The following HERC2 variants were observed in gnomAD, a reference collection of about 807,000 sequenced individuals.
HERC2 encodes E3 ubiquitin-protein ligase HERC2.
Under a neutral mutation model 537.7 loss-of-function variants are expected in HERC2, and 102 were observed. The observed-to-expected ratio is 0.19, with a 90% CI of 0.16 to 0.22. The LOEUF is 0.22. Ranked by LOEUF, HERC2 falls within the 10% of genes least tolerant of loss-of-function variation. HERC2 has a pLI of 1.00. For missense variants in HERC2, 4,236 were observed against 6,198.2 expected, an observed-to-expected ratio of 0.68 and a Z score of 10.63; for synonymous variants, 2,224 against 2,466.2, an observed-to-expected ratio of 0.90 and a Z score of 2.91.
rs1555405210 is a variant in HERC2, at chr15:28,139,913, A to AAG, written c.12015+1518_12015+1519insCT. Among the ~76,000 whole-genome samples, 212 of 148,636 alleles carry AAG rather than the reference A, an allele frequency of 1.4e-3. 2 individuals carry two copies. The highest frequency in any genetic ancestry group is 3.5e-3 in the Middle Eastern group (1 of 284). The stretch of plus-strand genomic sequence containing the variant: ...ATCTCTACTAAAAAAAAAAAAAAAA[A>AAG]AAAGATTAGCCAGGCGTGGTGGCGG... On this transcript the variant is annotated intron_variant, in intron 78 of 92. Transcript: ENST00000261609.
intron 16 of HERC2, among the ~76,000 whole-genome samples, chr15:28,257,521 G>A (rs986980485): frequency 1.3e-5 from 2 of 152,078 alleles, no homozygotes; most frequent in Non-Finnish European, 2.9e-5. Context: ...CTCTCAAAAC[G>A]ATTAATGACA....
chr15:28,116,631 C>CAGCG (rs1888285595), intron 88 of HERC2, 34 bp downstream of exon 88: 1 of 1,575,058 alleles, frequency 6.3e-7, no homozygotes, highest in African/African-American at 1.3e-5. Context: ...GCACAGGCCA[C>CAGCG]AGCGACACAG....
chr15:28,178,924 G>A lies in HERC2; in HGVS notation c.9126C>T (p.Leu3042=), dbSNP rs752403993. 3 of 1,614,142 alleles carry A rather than the reference G, an allele frequency of 1.9e-6. No homozygotes were observed. Among genetic ancestry groups the A allele is most frequent in the East Asian group, 2.2e-5 (1 of 44,880 alleles). ...CCACCTTCTTGACCACGTAGCTGCT[G>A]AGAGCTGTGATCTGCCGTGGGATGG... ...TVPIPRQITA[L]SSYVVKKVAV... The change falls in exon 59 of 93, where the codon CTC becomes CTT. Residue 3042 remains leucine, a synonymous_variant. Transcript: ENST00000261609.
rs1037013494 is a variant in HERC2 at position 28,122,292 on chromosome 15, T to C, written c.13189-863A>G. ...AGGATGCGGCACGCAGCCGTGCCAATGGAAAGGGATGAGACAGGTCAGCAG... is the reference window on the plus strand; with the variant it reads ...AGGATGCGGCACGCAGCCGTGCCAACGGAAAGGGATGAGACAGGTCAGCAG... On this transcript the variant is annotated intron_variant, in intron 85 of 92. Transcript: ENST00000261609. This position sits in a 1 kb window ranked among gnomAD's most constrained non-coding sequence, Gnocchi z 4.1. 3.3e-5 allele frequency among the ~76,000 whole-genome samples: 5 copies of C among 152,154 alleles called. No individual in the cohort carries two copies. The highest frequency in any genetic ancestry group is 5.9e-5 in the Non-Finnish European group (4 of 68,010).
Position 28,167,752 on chromosome 15 carries a change from T to C in HERC2, c.10489A>G (p.Ile3497Val), listed in dbSNP as rs1166979004. ...SAPSASARPF[I>V]PVTDDLGAAS... Reference sequence around the variant, plus strand: ...GCTCCCAGGTCATCCGTCACTGGGATAAAAGGCCGAGCGGAGGCTGAGGGG... The same window carrying C: ...GCTCCCAGGTCATCCGTCACTGGGACAAAAGGCCGAGCGGAGGCTGAGGGG... The change falls in exon 68 of 93, where the codon ATC (isoleucine) becomes GTC (valine). Residue 3497 changes from isoleucine to valine, a missense_variant. Around this residue, in one of 27 missense-constraint regions of HERC2, gnomAD observed 356 missense variants for 450.9 expected, o/e 0.79. Coordinates refer to ENST00000261609, the MANE Select transcript of HERC2 (RefSeq NM_004667.6). 2 of 1,613,980 alleles carry C rather than the reference T, an allele frequency of 1.2e-6. No homozygotes were observed. The highest frequency in any genetic ancestry group is 1.7e-6 in the Non-Finnish European group (2 of 1,180,022).
Position 28,272,903 on chromosome 15 carries a change from C to A in HERC2, c.902G>T (p.Gly301Val). Residue 301 changes from glycine (G) to valine (V), a missense_variant, in exon 8 of 93, where the codon GGC becomes GTC. Gly to Val is a moderately radical substitution (Grantham distance 109). Coordinates refer to ENST00000261609, the MANE Select transcript of HERC2 (RefSeq NM_004667.6). ...CTGCGGCAGCCCTCACCTCAGCGTG[C>A]CTCTCTGCACAGCCAGCTCCAGCAG... ...AILLELAVQR[G>V]TLSQMLSAIL... 6.2e-7 allele frequency: 1 copy of A among 1,610,090 alleles called. No individual in the cohort carries two copies. The highest frequency in any genetic ancestry group is 8.5e-7 in the Non-Finnish European group (1 of 1,179,230).
At chr15:28,125,248 G>T in intron 83 of HERC2, 55 bp from the exon 84 acceptor site, 1 of 1,417,710 alleles carries the variant, frequency 7.1e-7, no homozygotes, top group Non-Finnish European at 9.9e-7. Flanking sequence ...ACAAACGCAT[G>T]GCTGCCAGTG....
intron 48 of HERC2, among the ~76,000 whole-genome samples, chr15:28,199,960 G>A (rs1284699952): frequency 6.6e-6 from 1 of 152,158 alleles, no homozygotes; most frequent in East Asian, 1.9e-4. Context: ...TATCATGAAT[G>A]TTTGTGTCCC....
At chr15:28,195,216 C>A (rs1897241145) in intron 52 of HERC2, among the ~76,000 whole-genome samples, 1 of 152,026 alleles carries the variant, frequency 6.6e-6, no homozygotes, top group Non-Finnish European at 1.5e-5. Flanking sequence ...TCTTCAGTAA[C>A]TACTAAAACT....
At chr15:28,319,432 T>A (rs1181313348) in intron 2 of HERC2, among the ~76,000 whole-genome samples, 1 of 151,200 alleles carries the variant, frequency 6.6e-6, no homozygotes, top group Admixed American at 6.6e-5. Context: ...AATACAAAAA[T>A]TAGTCGGGCA....
intron 83 of HERC2, among the ~76,000 whole-genome samples, chr15:28,128,577 A>C (rs1180098854): frequency 6.6e-6 from 1 of 152,236 alleles, no homozygotes. Context: ...AAATGATTAA[A>C]GGGTGCATGC....
chr15:28,163,229 G>A lies in HERC2; in HGVS notation c.10611C>T (p.Phe3537=). The change falls in exon 69 of 93, where the codon TTC becomes TTT. Residue 3537 remains phenylalanine, a synonymous_variant. Transcript: ENST00000261609. ...TGTCATCCGCAATCAGCAGACTGGT[G>A]AACTCATCCAAGGCCTGAGGCTCCG... ...AGPEPQALDE[F]TSLLIADDTR... 6.2e-7 allele frequency: 1 copy of A among 1,613,932 alleles called. No homozygotes were observed. The highest frequency in any genetic ancestry group is 8.5e-7 in the Non-Finnish European group (1 of 1,180,034).
At chr15:28,282,940 A>G (rs1284642172) in intron 4 of HERC2, among the ~76,000 whole-genome samples, 1 of 144,642 alleles carries the variant, frequency 6.9e-6, no homozygotes, top group Non-Finnish European at 1.5e-5. Context: ...ATGGGAAGGG[A>G]CGGGAAGGGA....
rs181907640 is a variant in HERC2 at position 28,287,014 on chromosome 15, C to T, written c.322+5874G>A. Among the ~76,000 whole-genome samples, 19 of 152,160 alleles carry T rather than the reference C, an allele frequency of 1.2e-4. 1 individual carries two copies. The highest frequency in any genetic ancestry group is 1.2e-3 in the East Asian group (6 of 5,174). On this transcript the variant is annotated intron_variant, in intron 4 of 92. Transcript: ENST00000261609. ...GATAAAGCACGTGGGATAATGCCAG[C>T]GGCACAGTCTCAGGTGGTGAATATG...
chr15:28,263,012 G>C lies in HERC2; in HGVS notation c.2028C>G (p.Gly676=). ...CACCTTTTCCCCATGAATAAACTTG[G>C]CCATCTTTCGTCAAAGCAATGGAAA... ...SQFSIALTKD[G]QVYSWGKGDN... Residue 676 remains glycine (G), a synonymous_variant, in exon 15 of 93, where the codon GGC becomes GGG. Transcript: ENST00000261609. The C allele has an allele frequency of 2.5e-6, 4 of 1,614,024 alleles. No homozygotes were observed. The Admixed American group carries it at 6.7e-5, about 27-fold the overall frequency.
At chr15:28,190,028 G>C (rs1555420847) in intron 55 of HERC2, among the ~76,000 whole-genome samples, 1 of 131,066 alleles carries the variant, frequency 7.6e-6, no homozygotes, top group Non-Finnish European at 1.5e-5. Context: ...TTTTTTTTGA[G>C]ACAAGAGTCT....
At chr15:28,167,880 T>C in intron 67 of HERC2, 53 bp from the exon 68 acceptor site, 1 of 1,553,494 alleles carries the variant, frequency 6.4e-7, no homozygotes. Context: ...CTCAGCAACA[T>C]AACACATTTC....
intron 68 of HERC2, among the ~76,000 whole-genome samples, chr15:28,166,237 C>T (rs1490644839): frequency 1.3e-5 from 2 of 152,102 alleles, no homozygotes; most frequent in Non-Finnish European, 2.9e-5. Context: ...GAGCCGTATC[C>T]CTTATGAATA....
chr15:28,248,891 T>C (rs1009313787), intron 20 of HERC2, among the ~76,000 whole-genome samples, 155 bp from the exon 21 acceptor site: 2 of 152,206 alleles, frequency 1.3e-5, no homozygotes, highest in Non-Finnish European at 2.9e-5. Flanking sequence ...CCAATGTATC[T>C]GCAACAAGCG....
Sources: allele counts gnomAD v4.1 joint callset (sites outside exome capture counted in the v4.1 genomes callset), GRCh38; gene constraint gnomAD v4.1.1; regional missense constraint gnomAD v4.1.1; non-coding constraint Gnocchi (gnomAD v3.1); transcripts MANE v1.5; gene names NCBI Gene and HGNC (gene_info 2026-07-23, HGNC 2026-07-21).